The following HYDIN variants were observed in gnomAD, a reference collection of about 807,000 sequenced individuals.
The protein encoded by HYDIN is HYDIN axonemal central pair apparatus protein.
In HYDIN, 132 loss-of-function variants were observed where a neutral mutation model predicts 403.9. The observed-to-expected ratio is 0.33, with a 90% CI of 0.28 to 0.38. The LOEUF (loss-of-function observed/expected upper bound fraction) is 0.38. HYDIN is among the 10% of genes least tolerant of loss of function. HYDIN has a pLI of 1.00. For missense variants in HYDIN, 2,827 were observed against 5,009.5 expected (o/e 0.56, Z 13.15); for synonymous variants, 1,202 against 1,891.7 (o/e 0.64, Z 9.46).
At chr16:71,065,440 G>A (rs1415520868) in intron 15 of HYDIN, among the ~76,000 whole-genome samples, 1 of 151,896 alleles carries the variant, frequency 6.6e-6, no homozygotes, top group East Asian at 1.9e-4. Flanking sequence ...AGAAAAGAGG[G>A]GAGTTGAAGC....
Position 70,892,424 on chromosome 16 carries a change from G to A in HYDIN, c.9354C>T (p.Val3118=). The A allele has an allele frequency of 6.2e-7, 1 of 1,603,972 alleles. No individual in the cohort carries two copies. Among genetic ancestry groups the A allele is most frequent in the South Asian group, 1.1e-5 (1 of 89,746 alleles). ...SLTPTEKPTN[V]QVFFHAKKEV... is the part of the protein sequence containing the mutation. ...CCTTTTTTGCATGGAAGAAAACTTG[G>A]ACATTTGTGGGTTTTTCTGTTGGGG... is the stretch of plus-strand genomic sequence containing the variant. Residue 3118 remains valine (V), a synonymous_variant, in exon 56 of 86, where the codon GTC becomes GTT. Transcript: ENST00000393567.
chr16:71,040,285 TC>T (rs1180105978), intron 18 of HYDIN, among the ~76,000 whole-genome samples: 6 of 150,058 alleles, frequency 4.0e-5, no homozygotes, highest in Non-Finnish European at 6.0e-5. Context: ...AGGGACACAC[TC>T]CCTTCGTGAG....
At chr16:70,835,150 C>T (rs2037336511) in intron 78 of HYDIN, among the ~76,000 whole-genome samples, 1 of 151,588 alleles carries the variant, frequency 6.6e-6, no homozygotes. Flanking sequence ...GCACCCGCCA[C>T]CATGCCTGGC....
At chr16:70,977,868 C>G (rs375502706) in intron 30 of HYDIN, among the ~76,000 whole-genome samples, 3 of 151,918 alleles carry the variant, frequency 2.0e-5, no homozygotes, top group African/African-American at 4.8e-5. Flanking sequence ...CCCTCTCCCC[C>G]ACTCAGATGC....
intron 6 of HYDIN, among the ~76,000 whole-genome samples, chr16:71,156,192 A>G (rs2085759203): frequency 1.3e-5 from 2 of 152,132 alleles, no homozygotes; most frequent in African/African-American, 4.8e-5. Flanking sequence ...TCCCATCTGT[A>G]CGACCTCCAG....
rs2041233466 is a variant in HYDIN, at chr16:71,230,490, A to G, written c.-24+72T>C. On this transcript the variant is annotated intron_variant, in intron 1 of 85. Coordinates refer to ENST00000393567, the MANE Select transcript of HYDIN (RefSeq NM_001270974.2). ...GACGCAGGGCGAGGACGAGGACGAA[A>G]AGAGGGGACGCCCCGGTTAGCCCCC... 2.7e-6 allele frequency: 4 copies of G among 1,454,566 alleles called. No individual in the cohort carries two copies. The African/African-American group carries it at 4.2e-5, about 15-fold the overall frequency. 90.1% of individuals were successfully genotyped at this position (1,454,566 alleles called of 1,614,324 possible). A position where few individuals can be genotyped will look rare whatever the true frequency, so the allele number is the denominator to read the frequency against.
intron 28 of HYDIN, among the ~76,000 whole-genome samples, chr16:70,982,128 CA>C (rs777603836): frequency 2.0e-3 from 131 of 66,240 alleles, no homozygotes; most frequent in South Asian, 3.1e-3. Context: ...ACTCCGTCTC[CA>C]AAAAAAAAAA....
chr16:71,221,294 C>T (rs1048635825), intron 1 of HYDIN, among the ~76,000 whole-genome samples: 1 of 151,858 alleles, frequency 6.6e-6, no homozygotes, highest in African/African-American at 2.4e-5. Flanking sequence ...AGAATCACAG[C>T]CAACTCTCTT....
chr16:70,891,399 G>C (rs1411962371), intron 57 of HYDIN, among the ~76,000 whole-genome samples: 5 of 152,202 alleles, frequency 3.3e-5, no homozygotes, highest in Non-Finnish European at 7.3e-5. Context: ...ACATTGGCCA[G>C]GCTGGTCTCG....
At chr16:71,003,640 A>G (rs1261892965) in intron 23 of HYDIN, among the ~76,000 whole-genome samples, 1 of 151,838 alleles carries the variant, frequency 6.6e-6, no homozygotes, top group East Asian at 1.9e-4. Flanking sequence ...TCTCTATTAA[A>G]AATACAAAAT....
chr16:71,158,238 A>AT (rs1276280750), intron 6 of HYDIN, among the ~76,000 whole-genome samples: 6 of 152,220 alleles, frequency 3.9e-5, no homozygotes, highest in Non-Finnish European at 7.3e-5. Flanking sequence ...TGGGTAAGTC[A>AT]TTTAACTCCT....
At chr16:70,894,253 G>T in intron 55 of HYDIN, 196 bp downstream of exon 55, 1 of 605,418 alleles carries the variant, frequency 1.7e-6, no homozygotes, top group Non-Finnish European at 2.9e-6. Context: ...TGAAGCCAAG[G>T]GAGGCAAAAA....
rs563747778 is a variant in HYDIN at position 71,043,318 on chromosome 16, C to T, written c.2530-11401G>A. On this transcript the variant is annotated intron_variant, in intron 18 of 85. Transcript: ENST00000393567. Reference sequence around the variant, plus strand: ...TGCAGCATATTTGATGAACCTTCTCCGTAAATTCCTTTCCTCTGTTCTGAA... The same window carrying T: ...TGCAGCATATTTGATGAACCTTCTCTGTAAATTCCTTTCCTCTGTTCTGAA... Among the ~76,000 whole-genome samples, 16 of 150,694 alleles carry T rather than the reference C, an allele frequency of 1.1e-4. No homozygotes were observed. In the South Asian group the frequency reaches 1.7e-3, roughly 16 times the overall value.
At position 71,133,480 on chromosome 16, in the gene HYDIN, C is replaced by G. The variant is rs2084794491; in HGVS notation, c.1044-3657G>C. Among the ~76,000 whole-genome samples, 2 of 152,200 alleles carry G rather than the reference C, an allele frequency of 1.3e-5. 1 individual carries two copies. The highest frequency in any genetic ancestry group is 4.1e-4 in the South Asian group (2 of 4,830). ...TTTATTATGACACAGGTGGTAGGCTCAAAGCCCAATTAAAACTGATTTATC... is the reference window on the plus strand; with the variant it reads ...TTTATTATGACACAGGTGGTAGGCTGAAAGCCCAATTAAAACTGATTTATC... On this transcript the variant is annotated intron_variant, in intron 8 of 85. Transcript: ENST00000393567.
chr16:71,089,921 G>GT (rs2083061211), intron 11 of HYDIN, among the ~76,000 whole-genome samples: 1 of 129,850 alleles, frequency 7.7e-6, no homozygotes, highest in Non-Finnish European at 1.6e-5. Flanking sequence ...TGTTGTTGTT[G>GT]TAAGAGAAGA....
At position 70,970,755 on chromosome 16, in the gene HYDIN, A is replaced by G. The variant is rs755255381; in HGVS notation, c.5384T>C (p.Phe1795Ser). 3.8e-6 allele frequency: 6 copies of G among 1,583,246 alleles called. No homozygotes were observed. In the African/African-American group the frequency reaches 5.4e-5, roughly 14 times the overall value. The change falls in exon 36 of 86, where the codon TTC becomes TCC. Residue 1795 changes from phenylalanine (F) to serine (S), a missense_variant. Phe to Ser is a radical substitution (Grantham distance 155). Transcript: ENST00000393567. ...QVKFMPKEEK[F>S]YSQTLVFQIA... ...CTGAAACACCAGGGTTTGGCTGTAG[A>G]ATTTCTGGAAAACATAAAAACAAAA...
rs2083960760 is a variant in HYDIN at position 71,114,877 on chromosome 16, T to C, written c.1327+819A>G. ...TGTATCAAATCTCCTGATGTCATCA[T>C]CAGGTTGCCATCCCACCTGTGCACC... On this transcript the variant is annotated intron_variant, in intron 10 of 85. Coordinates refer to ENST00000393567, the MANE Select transcript of HYDIN (RefSeq NM_001270974.2). 2.4e-5 allele frequency among the ~76,000 whole-genome samples: 2 copies of C among 81,838 alleles called. 1 individual carries two copies. Among genetic ancestry groups the C allele is most frequent in the African/African-American group, 1.0e-4 (2 of 19,570 alleles). 53.7% of individuals were successfully genotyped at this position (81,838 alleles called of 152,430 possible).
chr16:70,906,802 C>T (rs886890450), intron 50 of HYDIN, among the ~76,000 whole-genome samples: 68 of 151,996 alleles, frequency 4.5e-4, no homozygotes, highest in Non-Finnish European at 6.9e-4. Flanking sequence ...CATCCTTCTG[C>T]CCTCTCCTCA....
At chr16:70,992,494 C>T (rs557268433) in intron 23 of HYDIN, among the ~76,000 whole-genome samples, 70 of 144,642 alleles carry the variant, frequency 4.8e-4, no homozygotes, top group Non-Finnish European at 8.4e-4. Flanking sequence ...TTTTACCATC[C>T]CTGTTAGATG....
Sources: allele counts gnomAD v4.1 joint callset (sites outside exome capture counted in the v4.1 genomes callset), GRCh38; gene constraint gnomAD v4.1.1; transcripts MANE v1.5; gene names NCBI Gene and HGNC (gene_info 2026-07-23, HGNC 2026-07-21).